Variants in NFIA observed in about 807,000 individuals in gnomAD.
The protein encoded by NFIA is nuclear factor I A.
NFIA carries 8 observed loss-of-function variants against 62.8 expected under a neutral mutation model. The ratio of observed to expected loss-of-function variants is 0.13; its 90% CI spans 0.07 to 0.23. The LOEUF (loss-of-function observed/expected upper bound fraction) is 0.23. Among genes scored for constraint, NFIA ranks in the 10% least tolerant of loss-of-function variants. The probability of loss-of-function intolerance (pLI) is 1.00; values close to 1 mark genes in which losing one functional copy is unlikely to be tolerated. For missense variants in NFIA, 410 were observed against 642.1 expected (o/e 0.64, Z 3.91); for synonymous variants, 235 against 238.1 (o/e 0.99, Z 0.12).
At chr1:61,333,500 G>A (rs751111542) in intron 4 of NFIA, among the ~76,000 whole-genome samples, 8 of 152,150 alleles carry the variant, frequency 5.3e-5, no homozygotes, top group Middle Eastern at 6.3e-3. Context: ...GGCTAGGAGA[G>A]TCTTGAGAGC....
At chr1:61,081,070 T>A (rs1175752451), upstream of NFIA, among the ~76,000 whole-genome samples, 3 of 152,170 alleles carry the variant, frequency 2.0e-5, no homozygotes, top group African/African-American at 7.2e-5. Context: ...CAGATTCCCC[T>A]GTGTGCCAGT....
intron 3 of NFIA, among the ~76,000 whole-genome samples, chr1:61,300,393 T>G (rs1375799905): frequency 6.6e-6 from 1 of 152,112 alleles, no homozygotes; most frequent in Non-Finnish European, 1.5e-5. Context: ...TGTCTGAAAT[T>G]TTTAAGAACA....
intron 9 of NFIA, among the ~76,000 whole-genome samples, chr1:61,422,136 G>A (rs1265549248): frequency 1.3e-5 from 2 of 152,060 alleles, no homozygotes; most frequent in Non-Finnish European, 2.9e-5. Context: ...GATGGCACGT[G>A]TCTGTAGTCC....
chr1:61,160,803 A>G (rs372283073), intron 2 of NFIA, among the ~76,000 whole-genome samples: 35 of 152,336 alleles, frequency 2.3e-4, no homozygotes, highest in Middle Eastern at 6.8e-3. Context: ...GGTTGTCATC[A>G]TGATATAGCA....
At chr1:61,408,808 G>A (rs1438651727) in intron 9 of NFIA, among the ~76,000 whole-genome samples, 1 of 152,188 alleles carries the variant, frequency 6.6e-6, no homozygotes, top group Non-Finnish European at 1.5e-5. Context: ...AAATGTAGAT[G>A]ATAATATCTA....
At chr1:61,341,653 T>A (rs113870089) in intron 4 of NFIA, among the ~76,000 whole-genome samples, 3 of 152,148 alleles carry the variant, frequency 2.0e-5, no homozygotes, top group Non-Finnish European at 4.4e-5. Context: ...AATGTTTGCA[T>A]TTTTTGCAGA....
intron 2 of NFIA, among the ~76,000 whole-genome samples, chr1:61,102,564 G>A (rs1398464771): frequency 6.6e-6 from 1 of 151,818 alleles, no homozygotes; most frequent in Non-Finnish European, 1.5e-5. Flanking sequence ...GCTTTATTCT[G>A]TTTCCTTTAG....
At chr1:61,334,037 A>G (rs1661451485) in intron 4 of NFIA, among the ~76,000 whole-genome samples, 1 of 152,110 alleles carries the variant, frequency 6.6e-6, no homozygotes, top group Admixed American at 6.6e-5. Context: ...TAGCGGATAA[A>G]TCGTTAAGCT....
At chr1:61,310,146 T>G (rs1322429076) in intron 3 of NFIA, among the ~76,000 whole-genome samples, 1 of 151,924 alleles carries the variant, frequency 6.6e-6, no homozygotes, top group Non-Finnish European at 1.5e-5. Context: ...AATTCAATGT[T>G]TCTTTGTGTT....
At chr1:61,366,373 T>C (rs930775424) in intron 6 of NFIA, among the ~76,000 whole-genome samples, 1 of 152,198 alleles carries the variant, frequency 6.6e-6, no homozygotes, top group Admixed American at 6.5e-5. Context: ...GTTTCAAATA[T>C]ATGCATAAGA....
intron 4 of NFIA, among the ~76,000 whole-genome samples, chr1:61,350,698 C>G (rs1662501434): frequency 6.6e-6 from 1 of 152,286 alleles, no homozygotes; most frequent in South Asian, 2.1e-4. Flanking sequence ...AACCATCCTT[C>G]CTCTTTCCCG....
intron 10 of NFIA, among the ~76,000 whole-genome samples, chr1:61,435,158 T>C (rs1667270823): frequency 6.6e-6 from 1 of 152,180 alleles, no homozygotes; most frequent in Admixed American, 6.6e-5. Context: ...TCACCAGGTT[T>C]CTCTGGGGGA....
At chr1:61,133,455 A>G (rs1454336536) in intron 2 of NFIA, among the ~76,000 whole-genome samples, 1 of 152,184 alleles carries the variant, frequency 6.6e-6, no homozygotes, top group Non-Finnish European at 1.5e-5. Flanking sequence ...TTTTATGAGG[A>G]AGGGAACTTA....
At chr1:61,142,774 C>T (rs181425302) in intron 2 of NFIA, among the ~76,000 whole-genome samples, 151 of 152,236 alleles carry the variant, frequency 9.9e-4, no homozygotes, top group African/African-American at 3.5e-3. Flanking sequence ...TTAGTTTTTC[C>T]GGTAAGGAGA....
intron 2 of NFIA, among the ~76,000 whole-genome samples, chr1:61,127,860 A>T (rs926740093): frequency 5.9e-5 from 9 of 152,172 alleles, no homozygotes; most frequent in African/African-American, 2.2e-4. Context: ...GTTACCCTTT[A>T]GTCTGCAGGA....
chr1:61,272,597 A>G (rs1657579099), intron 2 of NFIA, among the ~76,000 whole-genome samples: 1 of 152,204 alleles, frequency 6.6e-6, no homozygotes, highest in Non-Finnish European at 1.5e-5. Flanking sequence ...TCTGCAGAGT[A>G]CTTATCTTCC....
chr1:61,344,948 G>A (rs1156768144), intron 4 of NFIA, among the ~76,000 whole-genome samples: 1 of 152,170 alleles, frequency 6.6e-6, no homozygotes, highest in Admixed American at 6.5e-5. Context: ...AACTACTAAT[G>A]TGTACAGAAG....
chr1:61,294,660 T>C (rs1001199481), intron 3 of NFIA, among the ~76,000 whole-genome samples: 5 of 152,260 alleles, frequency 3.3e-5, no homozygotes, highest in Non-Finnish European at 7.3e-5. Flanking sequence ...GGATTGTTTT[T>C]CTTTTTTACT....
At chr1:61,127,589 G>T (rs1390430766) in intron 2 of NFIA, among the ~76,000 whole-genome samples, 1 of 152,132 alleles carries the variant, frequency 6.6e-6, no homozygotes, top group African/African-American at 2.4e-5. Flanking sequence ...ACTAGACCGT[G>T]TATTTCAGCC....
Sources: gnomAD v4.1 joint callset for allele counts (sites outside exome capture counted in the v4.1 genomes callset) on GRCh38, gnomAD v4.1.1 for gene constraint, MANE v1.5 for transcripts, NCBI Gene and HGNC (gene_info 2026-07-23, HGNC 2026-07-21) for gene names.